The following RBSN variants were observed in gnomAD, a reference collection of about 807,000 sequenced individuals.
RBSN encodes rabenosyn-5.
In RBSN, 34 loss-of-function variants were observed where a neutral mutation model predicts 60.5. The observed-to-expected ratio is 0.56, with a 90% CI of 0.43 to 0.75. The LOEUF is 0.75. RBSN is among the 30% of genes least tolerant of loss of function. The pLI is 0.00. For synonymous variants in RBSN, 322 were observed against 366.9 expected (o/e 0.88, Z 1.40); for missense variants, 845 against 986.8 (o/e 0.86, Z 1.92).
intron 13 of RBSN, chr3:15,075,282 G>C (rs995277921): frequency 2.6e-5 from 16 of 608,218 alleles, no homozygotes; most frequent in Admixed American, 9.0e-5. Context: ...GTTTAATATT[G>C]CATATACCGA....
Position 15,074,591 on chromosome 3 carries a change from C to T in RBSN, c.1546G>A (p.Asp516Asn). 1 of 1,614,252 alleles carries T rather than the reference C, an allele frequency of 6.2e-7. No homozygotes were observed. The highest frequency in any genetic ancestry group is 1.7e-5 in the Admixed American group (1 of 60,034). ...ATCTGCAGCTGTTCCCGCTGCAGGT[C>T]CTCCTCCTCAGCCTGCCTCCGGGAC... ...ELSRRQAEEEDLQREQLQMLR... is the reference protein window; with the variant it reads ...ELSRRQAEEENLQREQLQMLR... Residue 516 changes from aspartate (D) to asparagine (N), a missense_variant, in exon 14 of 14, where the codon GAC becomes AAC. By Grantham distance (23) the Asp-to-Asn change is conservative. Coordinates refer to ENST00000253699, the MANE Select transcript of RBSN (RefSeq NM_022340.4). This position sits in a 1 kb window ranked among gnomAD's most constrained non-coding sequence, Gnocchi z 6.4.
At chr3:15,089,642 A>C (rs1220190000) in intron 5 of RBSN, among the ~76,000 whole-genome samples, 5 of 148,956 alleles carry the variant, frequency 3.4e-5, no homozygotes, top group African/African-American at 9.9e-5. Flanking sequence ...ACAGAGTCTC[A>C]CTCTGTCACC....
At position 15,080,594 on chromosome 3, in the gene RBSN, A is replaced by G. The variant is rs1464709089; in HGVS notation, c.911+138T>C. 4.9e-6 allele frequency: 4 copies of G among 809,778 alleles called. No homozygotes were observed. In the African/African-American group the frequency reaches 5.1e-5, roughly 10 times the overall value. 50.2% of individuals were successfully genotyped at this position (809,778 alleles called of 1,614,324 possible). ...TTCTCTTCATAATAGCCAAAAGTGG[A>G]AAAAAACCAACTTCAGCTGGTCTCA... On this transcript the variant is annotated intron_variant, in intron 10 of 13. Transcript: ENST00000253699.
chr3:15,096,289 C>G lies in RBSN; in HGVS notation c.-168-1G>C. 1.6e-6 allele frequency: 1 copy of G among 614,268 alleles called. No individual in the cohort carries two copies. The highest frequency in any genetic ancestry group is 4.9e-5 in the South Asian group (1 of 20,432). The allele number at this position is 614,268 out of a possible 1,614,324, so 38.1% of individuals were successfully genotyped here. ...TTTCCTCTCTGGAGTAGGAGGAGCC[C>G]TAAGAAAGAAAAGAAGAAGGGAAAA... On this transcript the variant is annotated splice_acceptor_variant, in intron 3 of 13. Coordinates refer to ENST00000253699, the MANE Select transcript of RBSN (RefSeq NM_022340.4). LOFTEE classifies it low-confidence loss of function (5UTR_SPLICE).
chr3:15,096,401 A>C, intron 3 of RBSN, 113 bp from the exon 4 acceptor site: 1 of 305,348 alleles, frequency 3.3e-6, no homozygotes, highest in Non-Finnish European at 6.0e-6. Context: ...TATTCAGTGC[A>C]AGTTTGAGAA....
chr3:15,075,754 G>GA (rs1319460680), intron 12 of RBSN, 44 bp from the exon 13 acceptor site: 12 of 1,521,532 alleles, frequency 7.9e-6, no homozygotes, highest in Non-Finnish European at 8.2e-6. Flanking sequence ...CCCTTTTAGA[G>GA]AAAAAATGAA....
chr3:15,092,609 A>T (rs1228045425), intron 4 of RBSN, among the ~76,000 whole-genome samples: 1 of 152,072 alleles, frequency 6.6e-6, no homozygotes, highest in Non-Finnish European at 1.5e-5. Flanking sequence ...ATGGGGTTTC[A>T]CCACATTGGC....
intron 13 of RBSN, chr3:15,075,133 A>C: frequency 1.6e-6 from 1 of 636,044 alleles, no homozygotes; most frequent in Non-Finnish European, 2.7e-6. Context: ...TTCAAAAATA[A>C]AATATAATGA....
chr3:15,078,482 A>T (rs2043108084), intron 10 of RBSN, among the ~76,000 whole-genome samples: 1 of 152,142 alleles, frequency 6.6e-6, no homozygotes, highest in African/African-American at 2.4e-5. Flanking sequence ...ATCTAACAAG[A>T]TGTAAGAAGT....
At chr3:15,088,554 G>A (rs2043408519) in intron 5 of RBSN, among the ~76,000 whole-genome samples, 1 of 151,962 alleles carries the variant, frequency 6.6e-6, no homozygotes, top group South Asian at 2.1e-4. Context: ...TAATTTTTTT[G>A]TATTTTTAGT....
Position 15,074,460 on chromosome 3 carries a change from C to T in RBSN, c.1677G>A (p.Leu559=), listed in dbSNP as rs752146071. The T allele has an allele frequency of 6.2e-7, 1 of 1,614,220 alleles. No homozygotes were observed. The highest frequency in any genetic ancestry group is 2.2e-5 in the East Asian group (1 of 44,876). ...LDFREIGPFQ[L]EPSREPRTHL... is the part of the protein sequence containing the mutation. Reference sequence around the variant, plus strand: ...GGGTGCGAGGCTCTCTGCTGGGCTCCAGCTGAAAAGGGCCGATTTCTCTGA... The same window carrying T: ...GGGTGCGAGGCTCTCTGCTGGGCTCTAGCTGAAAAGGGCCGATTTCTCTGA... Residue 559 remains leucine (L), a synonymous_variant, in exon 14 of 14, where the codon CTG becomes CTA. Coordinates refer to ENST00000253699, the MANE Select transcript of RBSN (RefSeq NM_022340.4). The surrounding 1 kb of genome is among the most constrained non-coding windows in gnomAD (Gnocchi z 6.4).
intron 4 of RBSN, among the ~76,000 whole-genome samples, chr3:15,092,522 C>T (rs1391294893): frequency 6.6e-6 from 1 of 152,170 alleles, no homozygotes. Flanking sequence ...GATGCTCCTG[C>T]CTCAGCCTCC....
chr3:15,070,620 T>C lies in RBSN; in HGVS notation c.*3162A>G, dbSNP rs560022116. On this transcript the variant is annotated 3_prime_UTR_variant, in exon 14 of 14. Coordinates refer to ENST00000253699, the MANE Select transcript of RBSN (RefSeq NM_022340.4). ...CAAGTTTGCCTGCTGTCAACCCATC[T>C]CTGTAACTCCAACTTTGTGCCTGCA... 6.5e-6 allele frequency: 1 copy of C among 152,786 alleles called. No homozygotes were observed. The highest frequency in any genetic ancestry group is 2.4e-5 in the African/African-American group (1 of 41,576). 9.5% of individuals were successfully genotyped at this position (152,786 alleles called of 1,614,324 possible). A position where few individuals can be genotyped will look rare whatever the true frequency, so the allele number is the denominator to read the frequency against.
chr3:15,086,009 G>T, intron 5 of RBSN, 48 bp from the exon 6 acceptor site: 1 of 1,481,336 alleles, frequency 6.8e-7, no homozygotes, highest in Non-Finnish European at 9.2e-7. Flanking sequence ...GTTTCTCTGA[G>T]GGAGCCTAGT....
At chr3:15,085,066 C>A in intron 6 of RBSN, 21 bp from the exon 7 acceptor site, 4 of 1,613,922 alleles carry the variant, frequency 2.5e-6, no homozygotes, top group Non-Finnish European at 3.4e-6. Context: ...GAAAATAGTG[C>A]CAAATGAAAT....
At position 15,091,324 on chromosome 3, in the gene RBSN, ATTC is replaced by A. The variant is rs537400959; in HGVS notation, c.149-788_149-786del. ...ATTTACCCCAGAAACTCATGAGTAA[ATTC>A]TTCTCATTTACCTCCAGGATGGGAT... On this transcript the variant is annotated intron_variant, in intron 4 of 13. Transcript: ENST00000253699. 82 of 1,039,852 alleles carry A rather than the reference ATTC, an allele frequency of 7.9e-5. No individual in the cohort carries two copies. The East Asian group carries it at 4.6e-3, about 59-fold the overall frequency. The allele number at this position is 1,039,852 out of a possible 1,614,324, so 64.4% of individuals were successfully genotyped here. A position where few individuals can be genotyped will look rare whatever the true frequency, so the allele number is the denominator to read the frequency against.
At position 15,087,185 on chromosome 3, in the gene RBSN, C is replaced by T. The variant is rs1451456590; in HGVS notation, c.290-1224G>A. ...TTTTGTGGTGACAATACAAAGTCTACTCTCACTGATTTTCAAGAATACGAG... is the reference window on the plus strand; with the variant it reads ...TTTTGTGGTGACAATACAAAGTCTATTCTCACTGATTTTCAAGAATACGAG... On this transcript the variant is annotated intron_variant, in intron 5 of 13. Transcript: ENST00000253699. Among the ~76,000 whole-genome samples, 70 of 152,130 alleles carry T rather than the reference C, an allele frequency of 4.6e-4. 1 individual carries two copies. The highest frequency in any genetic ancestry group is 4.5e-3 in the Admixed American group (68 of 15,270).
chr3:15,078,833 T>G (rs1218832137), intron 10 of RBSN, among the ~76,000 whole-genome samples: 1 of 130,768 alleles, frequency 7.6e-6, no homozygotes, highest in Non-Finnish European at 1.6e-5. Context: ...TACATGGTTT[T>G]GTTTTAAATA....
chr3:15,077,193 T>TGA lies in RBSN; in HGVS notation c.999-31_999-30dup. 1 of 1,573,832 alleles carries TGA rather than the reference T, an allele frequency of 6.4e-7. No individual in the cohort carries two copies. ...AATTGGAACAAACACATGAATATAA[T>TGA]GAGCACTGCCAGCTTCAGAAACAAG... On this transcript the variant is annotated intron_variant, in intron 11 of 13. Coordinates refer to ENST00000253699, the MANE Select transcript of RBSN (RefSeq NM_022340.4). This position sits in a 1 kb window ranked among gnomAD's most constrained non-coding sequence, Gnocchi z 4.4.
Sources: gnomAD v4.1 joint callset for allele counts (sites outside exome capture counted in the v4.1 genomes callset) on GRCh38, gnomAD v4.1.1 for gene constraint, Gnocchi (gnomAD v3.1) non-coding constraint, MANE v1.5 for transcripts, NCBI Gene and HGNC (gene_info 2026-07-23, HGNC 2026-07-21) for gene names.